Variants in CDH23 observed in about 807,000 individuals in gnomAD.
CDH23 encodes the protein cadherin related 23.
CDH23 carries 189 observed loss-of-function variants against 317.1 expected under a neutral mutation model. That is an observed-to-expected ratio of 0.60 (90% CI 0.53 to 0.67). The LOEUF (loss-of-function observed/expected upper bound fraction) is 0.67, where lower values mean the gene tolerates loss of function less well. Ranked by LOEUF, CDH23 falls within the 30% of genes least tolerant of loss-of-function variation. The pLI, the probability that CDH23 is intolerant of heterozygous loss-of-function variation, is 0.00. For synonymous variants in CDH23, 1,839 were observed against 1,876.8 expected (o/e 0.98, Z 0.52); for missense variants, 4,401 against 4,592.4 (o/e 0.96, Z 1.20).
intron 55 of CDH23, among the ~76,000 whole-genome samples, chr10:71,805,551 G>C (rs954850112): frequency 4.6e-5 from 7 of 152,214 alleles, no homozygotes; most frequent in Admixed American, 1.3e-4. Flanking sequence ...GGGAAGGCTT[G>C]AAGCATGTGG....
chr10:71,426,817 G>T, intron 1 of CDH23, among the ~76,000 whole-genome samples: 1 of 152,062 alleles, frequency 6.6e-6, no homozygotes, highest in East Asian at 1.9e-4. Context: ...TGCAACCATA[G>T]TCACAGCCTA....
In CDH23 at chr10:71,470,043, C is replaced by T. The variant is rs541729389; in HGVS notation, c.145+23648C>T. Among the ~76,000 whole-genome samples the T allele has an allele frequency of 3.9e-5, 6 of 152,258 alleles. No individual in the cohort carries two copies. In the South Asian group the frequency reaches 1.2e-3, roughly 32 times the overall value. On this transcript the variant is annotated intron_variant, in intron 3 of 69. Coordinates refer to ENST00000224721, the MANE Select transcript of CDH23 (RefSeq NM_022124.6). ...AAAAAAAAATTTGTGCTATGTTGCCCAGGCTGGTCTCCAATTCCTGGGCTC... is the reference window on the plus strand; with the variant it reads ...AAAAAAAAATTTGTGCTATGTTGCCTAGGCTGGTCTCCAATTCCTGGGCTC...
chr10:71,581,120 G>A (rs909615231), intron 9 of CDH23, among the ~76,000 whole-genome samples: 1 of 152,238 alleles, frequency 6.6e-6, no homozygotes, highest in Admixed American at 6.5e-5. Context: ...CCTGGCCAGT[G>A]CCTGTTTATT....
rs1841459759 is a variant in CDH23, at chr10:71,798,340, TG to T, written c.6830-13del. 6.2e-7 allele frequency: 1 copy of T among 1,603,048 alleles called. No individual in the cohort carries two copies. The highest frequency in any genetic ancestry group is 8.5e-7 in the Non-Finnish European group (1 of 1,170,054). On this transcript the variant is annotated splice_polypyrimidine_tract_variant and intron_variant, in intron 49 of 69. Transcript: ENST00000224721. ...TGTCCTTCCCCTCTCCCTCACTCCC[TG>T]CCTCCACCACAGCCAAGCTGACTGT...
intron 30 of CDH23, 34 bp downstream of exon 30, chr10:71,725,554 A>G: frequency 6.2e-7 from 1 of 1,600,280 alleles, no homozygotes; most frequent in Non-Finnish European, 8.5e-7. Context: ...TGCTGACCTC[A>G]GGACGGGGCC....
intron 1 of CDH23, among the ~76,000 whole-genome samples, chr10:71,413,078 C>G (rs140996559): frequency 6.6e-6 from 1 of 152,156 alleles, no homozygotes; most frequent in East Asian, 1.9e-4. Context: ...GTGGTTTCCC[C>G]TGTGTTTTCA....
At chr10:71,621,623 C>G (rs1238950090) in intron 11 of CDH23, among the ~76,000 whole-genome samples, 1 of 152,204 alleles carries the variant, frequency 6.6e-6, no homozygotes, top group Non-Finnish European at 1.5e-5. Flanking sequence ...CAGAAATCCT[C>G]TGCGGGGCAG....
At chr10:71,798,318 C>A in intron 49 of CDH23, 36 bp from the exon 50 acceptor site, 2 of 1,510,394 alleles carry the variant, frequency 1.3e-6, no homozygotes, top group Non-Finnish European at 1.8e-6. Context: ...ACACTAGTGT[C>A]CTTCCCCTCT....
At chr10:71,733,274 C>T (rs1241830195) in intron 32 of CDH23, among the ~76,000 whole-genome samples, 3 of 152,204 alleles carry the variant, frequency 2.0e-5, no homozygotes, top group Non-Finnish European at 2.9e-5. Flanking sequence ...GTGCCCTCCT[C>T]GGACATGCCA....
At chr10:71,807,107 G>A (rs1032492178) in intron 57 of CDH23, among the ~76,000 whole-genome samples, 170 bp from the exon 58 acceptor site, 1 of 152,190 alleles carries the variant, frequency 6.6e-6, no homozygotes, top group Non-Finnish European at 1.5e-5. Context: ...GCTCAGGTCC[G>A]CGGGCCATGC....
intron 3 of CDH23, among the ~76,000 whole-genome samples, chr10:71,508,840 A>G (rs1189194301): frequency 6.6e-6 from 1 of 152,228 alleles, no homozygotes; most frequent in East Asian, 1.9e-4. Context: ...TTTTGTATAC[A>G]GTTCTAGTGA....
Position 71,406,259 on chromosome 10 carries a change from C to T in CDH23, c.-6+8941C>T, listed in dbSNP as rs118185807. Reference sequence around the variant, plus strand: ...GCAGGGAGTGACACAGCCTAGAAAGCTAAGGAAGTTGCAGCAACGTGGAGT... The same window carrying T: ...GCAGGGAGTGACACAGCCTAGAAAGTTAAGGAAGTTGCAGCAACGTGGAGT... On this transcript the variant is annotated intron_variant, in intron 1 of 69. Coordinates refer to ENST00000224721, the MANE Select transcript of CDH23 (RefSeq NM_022124.6). Among the ~76,000 whole-genome samples, 184 of 152,298 alleles carry T rather than the reference C, an allele frequency of 1.2e-3. 1 individual carries two copies. The highest frequency in any genetic ancestry group is 8.1e-3 in the East Asian group (42 of 5,186).
At chr10:71,402,020 G>A (rs1345017180) in intron 1 of CDH23, among the ~76,000 whole-genome samples, 2 of 152,142 alleles carry the variant, frequency 1.3e-5, no homozygotes, top group Non-Finnish European at 2.9e-5. Context: ...TATTTAAAAC[G>A]TAGCCACATG....
rs1205220439 is a variant in CDH23, at chr10:71,797,341, G to A, written c.6829+121G>A. ...AGCAACAAGACCCAGTTGCTCTGGG[G>A]GCCAGGAGTCAGGCAACACAAGAGG... On this transcript the variant is annotated intron_variant, in intron 49 of 69. Transcript: ENST00000224721. 2.8e-5 allele frequency: 19 copies of A among 678,116 alleles called. No homozygotes were observed. The Admixed American group carries it at 3.9e-4, about 14-fold the overall frequency. The allele number at this position is 678,116 out of a possible 1,614,324, so 42.0% of individuals were successfully genotyped here.
Position 71,615,428 on chromosome 10 carries a change from C to T in CDH23, c.833-76C>T, listed in dbSNP as rs1861125836. 3 of 956,374 alleles carry T rather than the reference C, an allele frequency of 3.1e-6. No individual in the cohort carries two copies. In the East Asian group the frequency reaches 7.5e-5, roughly 24 times the overall value. The allele number at this position is 956,374 out of a possible 1,614,324, so 59.2% of individuals were successfully genotyped here. A position where few individuals can be genotyped will look rare whatever the true frequency, so the allele number is the denominator to read the frequency against. ...CCAGAGAGGAGCCCTGGCCCCAGCT[C>T]CATGCCCCCCTGCCCCCAGCTCCAT... On this transcript the variant is annotated intron_variant, in intron 9 of 69. Coordinates refer to ENST00000224721, the MANE Select transcript of CDH23 (RefSeq NM_022124.6).
chr10:71,587,717 T>C (rs1324590922), intron 9 of CDH23, among the ~76,000 whole-genome samples: 1 of 152,224 alleles, frequency 6.6e-6, no homozygotes, highest in Non-Finnish European at 1.5e-5. Flanking sequence ...TTCTGGGGGC[T>C]TTGAACCTGA....
intron 8 of CDH23, among the ~76,000 whole-genome samples, chr10:71,572,956 T>C: frequency 6.6e-6 from 1 of 152,114 alleles, no homozygotes; most frequent in East Asian, 1.9e-4. Context: ...GTATAGAACA[T>C]GGCAGTGGCT....
intron 48 of CDH23, among the ~76,000 whole-genome samples, chr10:71,794,936 G>A (rs772602030): frequency 2.0e-5 from 3 of 152,152 alleles, no homozygotes; most frequent in Non-Finnish European, 2.9e-5. Context: ...AATATCATGG[G>A]TGTGCATCAT....
At chr10:71,417,033 T>C (rs1045511403) in intron 1 of CDH23, among the ~76,000 whole-genome samples, 2 of 151,538 alleles carry the variant, frequency 1.3e-5, no homozygotes, top group South Asian at 2.1e-4. Flanking sequence ...TTTTCTTTTT[T>C]TTTCTTTCTT....
Sources: allele counts gnomAD v4.1 joint callset (sites outside exome capture counted in the v4.1 genomes callset), GRCh38; gene constraint gnomAD v4.1.1; transcripts MANE v1.5; gene names NCBI Gene and HGNC (gene_info 2026-07-23, HGNC 2026-07-21).